KIF9: variants seen among roughly 807,000 people sequenced by gnomAD.
KIF9 encodes the protein kinesin-like protein KIF9.
KIF9 carries 68 observed loss-of-function variants against 94.8 expected under a neutral mutation model. The observed-to-expected ratio is 0.72, with a 90% confidence interval of 0.59 to 0.88. The LOEUF is 0.88. Among genes scored for constraint, KIF9 ranks in the 40% least tolerant of loss-of-function variants. The probability of loss-of-function intolerance (pLI) is 0.00; values close to 1 mark genes in which losing one functional copy is unlikely to be tolerated. For synonymous variants in KIF9, 343 were observed against 362.1 expected, an observed-to-expected ratio of 0.95 and a Z score of 0.60; for missense variants, 882 against 982.5, an observed-to-expected ratio of 0.90 and a Z score of 1.37.
chr3:47,235,458 G>C lies in KIF9; in HGVS notation c.2322+55C>G, dbSNP rs561373696. The C allele has an allele frequency of 2.5e-5, 30 of 1,201,698 alleles. No homozygotes were observed. In the South Asian group the frequency reaches 3.6e-4, roughly 15 times the overall value. 74.4% of individuals were successfully genotyped at this position (1,201,698 alleles called of 1,614,324 possible). On this transcript the variant is annotated intron_variant, in intron 20 of 20. Coordinates refer to ENST00000684063, the MANE Select transcript of KIF9 (RefSeq NM_182902.4). ...CTCTAAAGTAGGGAATATGATCCTG[G>C]GTTTCCTAGTCACTGAGGCCCCCAT...
chr3:47,268,354 G>C (rs937855408), intron 5 of KIF9, among the ~76,000 whole-genome samples: 1 of 152,128 alleles, frequency 6.6e-6, no homozygotes, highest in Non-Finnish European at 1.5e-5. Context: ...AAATGCTGAT[G>C]AGAAGTGCTA....
intron 20 of KIF9, among the ~76,000 whole-genome samples, chr3:47,233,188 C>A (rs1473752902): frequency 6.7e-6 from 1 of 150,120 alleles, no homozygotes; most frequent in Admixed American, 6.6e-5. Context: ...TGGTGAAACC[C>A]TGTCTTTACT....
intron 13 of KIF9, chr3:47,245,828 G>C: frequency 2.1e-6 from 1 of 479,544 alleles, no homozygotes. Flanking sequence ...TCTCTAAGAG[G>C]CCACTTGGAA....
intron 2 of KIF9, 76 bp downstream of exon 2, chr3:47,277,206 C>T (rs1702031829): frequency 1.7e-5 from 19 of 1,113,616 alleles, no homozygotes; most frequent in Non-Finnish European, 2.4e-5. Flanking sequence ...TCAAAGGTTG[C>T]TTGGAAATAC....
intron 20 of KIF9, among the ~76,000 whole-genome samples, chr3:47,232,431 T>A (rs1465837907): frequency 6.6e-6 from 1 of 151,800 alleles, no homozygotes; most frequent in African/African-American, 2.4e-5. Context: ...ACTACAGGCA[T>A]GCGTCACCAC....
At chr3:47,257,668 C>T (rs1031462215) in intron 9 of KIF9, 108 bp from the exon 10 acceptor site, 3 of 888,416 alleles carry the variant, frequency 3.4e-6, no homozygotes, top group Non-Finnish European at 5.3e-6. Context: ...CCTTAAGCTC[C>T]CTTGTCAACC....
Position 47,236,155 on chromosome 3 carries a change from A to G in KIF9, c.2102-6T>C. On this transcript the variant is annotated splice_region_variant and splice_polypyrimidine_tract_variant and intron_variant, in intron 18 of 20. Coordinates refer to ENST00000684063, the MANE Select transcript of KIF9 (RefSeq NM_182902.4). ...ATTGTACCAGATGTCAAATTCTACA[A>G]GGAGGTGAGGAGACAGAACTTGAGG... 3.1e-6 allele frequency: 5 copies of G among 1,600,722 alleles called. No individual in the cohort carries two copies. Among genetic ancestry groups the G allele is most frequent in the Non-Finnish European group, 4.3e-6 (5 of 1,167,832 alleles).
At chr3:47,233,561 T>A (rs1419638562) in intron 20 of KIF9, among the ~76,000 whole-genome samples, 1 of 148,964 alleles carries the variant, frequency 6.7e-6, no homozygotes, top group Non-Finnish European at 1.5e-5. Context: ...GCTGGGCATG[T>A]GGTGTATGCC....
Position 47,267,026 on chromosome 3 carries a change from T to C in KIF9, c.718A>G (p.Lys240Glu), listed in dbSNP as rs754979358. The C allele has an allele frequency of 1.3e-5, 21 of 1,613,946 alleles. No homozygotes were observed. The highest frequency in any genetic ancestry group is 1.7e-5 in the Non-Finnish European group (20 of 1,180,022). The change falls in exon 7 of 21, where the codon AAA becomes GAA. Residue 240 changes from lysine to glutamate, a missense_variant. By Grantham distance (56) the Lys-to-Glu change is moderately conservative. Transcript: ENST00000684063. ...TLSEEKYITS[K>E]INLVDLAGSE... Reference sequence around the variant, plus strand: ...CCTGCCAGATCCACCAAGTTAATTTTGGAAGTGATGTACTTTTCCTCTGAT... The same window carrying C: ...CCTGCCAGATCCACCAAGTTAATTTCGGAAGTGATGTACTTTTCCTCTGAT...
intron 2 of KIF9, among the ~76,000 whole-genome samples, chr3:47,276,927 G>A (rs1702010013): frequency 6.6e-6 from 1 of 151,234 alleles, no homozygotes; most frequent in Non-Finnish European, 1.5e-5. Context: ...AAACAGTAAT[G>A]AACTCAAGAT....
intron 20 of KIF9, among the ~76,000 whole-genome samples, chr3:47,229,424 TACACACACAA>T (rs1333381075): frequency 6.6e-6 from 1 of 152,100 alleles, no homozygotes; most frequent in Non-Finnish European, 1.5e-5. Flanking sequence ...ACGATTTCAA[TACACACACAA>T]ACACACACAC....
At position 47,244,776 on chromosome 3, in the gene KIF9, G is replaced by A. The variant is rs772711339; in HGVS notation, c.1514+15C>T. ...GGGCCAGCTGCTGAGGAGGCAGAGC[G>A]GCAAGGTCACTCACCTGAGTGGCTC... On this transcript the variant is annotated intron_variant, in intron 15 of 20. Coordinates refer to ENST00000684063, the MANE Select transcript of KIF9 (RefSeq NM_182902.4). 2.3e-5 allele frequency: 37 copies of A among 1,613,000 alleles called. 1 individual carries two copies. The highest frequency in any genetic ancestry group is 1.8e-4 in the Middle Eastern group (1 of 5,506).
chr3:47,275,101 G>A (rs1377187090), intron 3 of KIF9: 13 of 499,042 alleles, frequency 2.6e-5, no homozygotes, highest in South Asian at 3.3e-5. Context: ...CCTATAGAGA[G>A]CCATAGTCTT....
chr3:47,229,159 C>T (rs1445170101), intron 20 of KIF9, among the ~76,000 whole-genome samples: 1 of 152,198 alleles, frequency 6.6e-6, no homozygotes, highest in African/African-American at 2.4e-5. Context: ...TAGGCTGAAA[C>T]AGAAACAGTG....
chr3:47,266,421 A>T (rs959873632), intron 7 of KIF9, among the ~76,000 whole-genome samples: 2 of 152,208 alleles, frequency 1.3e-5, no homozygotes, highest in African/African-American at 2.4e-5. Flanking sequence ...AAGCAGGAGG[A>T]TCGCTTGAGC....
At position 47,267,131 on chromosome 3, in the gene KIF9, C is replaced by G. The variant is rs548736849; in HGVS notation, c.675+49G>C. 43 of 1,600,134 alleles carry G rather than the reference C, an allele frequency of 2.7e-5. No homozygotes were observed. In the African/African-American group the frequency reaches 5.1e-4, roughly 19 times the overall value. The stretch of plus-strand genomic sequence containing the variant: ...GAGAAGTTTCTGACTGAGCAGGCCC[C>G]GTGGGAATTGACTGCCCCGCCTGGG... On this transcript the variant is annotated intron_variant, in intron 6 of 20. Coordinates refer to ENST00000684063, the MANE Select transcript of KIF9 (RefSeq NM_182902.4).
rs551813503 is a variant in KIF9, at chr3:47,241,177, C to T, written c.1710-162G>A. On this transcript the variant is annotated intron_variant, in intron 16 of 20. Coordinates refer to ENST00000684063, the MANE Select transcript of KIF9 (RefSeq NM_182902.4). ...CTAAACTGTGTGTGAATCATTCCCTCCTCTTTGTTTTACTCAGCACACATA... is the reference window on the plus strand; with the variant it reads ...CTAAACTGTGTGTGAATCATTCCCTTCTCTTTGTTTTACTCAGCACACATA... Among the ~76,000 whole-genome samples the T allele has an allele frequency of 2.0e-4, 30 of 152,264 alleles. No homozygotes were observed. In the East Asian group the frequency reaches 5.0e-3, roughly 25 times the overall value.
intron 1 of KIF9, chr3:47,280,900 G>A (rs1003486131): frequency 2.8e-6 from 2 of 702,894 alleles, no homozygotes; most frequent in East Asian, 2.7e-5. Context: ...CTGCTACTCA[G>A]CAGCCCTTTA....
intron 16 of KIF9, among the ~76,000 whole-genome samples, chr3:47,242,169 C>T (rs1450858628): frequency 2.6e-5 from 4 of 152,010 alleles, no homozygotes; most frequent in Non-Finnish European, 4.4e-5. Context: ...CATAAGCCAC[C>T]GTGCCTGGCC....
Sources: gnomAD v4.1 joint callset for allele counts (sites outside exome capture counted in the v4.1 genomes callset) on GRCh38, gnomAD v4.1.1 for gene constraint, MANE v1.5 for transcripts, NCBI Gene and HGNC (gene_info 2026-07-23, HGNC 2026-07-21) for gene names.